URB1: variants seen among roughly 807,000 people sequenced by gnomAD.
The protein encoded by URB1 is nucleolar pre-ribosomal-associated protein 1.
URB1 carries 197 observed loss-of-function variants against 242.3 expected under a neutral mutation model. The observed-to-expected ratio is 0.81, with a 90% CI of 0.72 to 0.91. URB1 has a LOEUF of 0.91. Among genes scored for constraint, URB1 ranks in the 40% least tolerant of loss-of-function variants. URB1 has a pLI of 0.00. For synonymous variants in URB1, 1,153 were observed against 1,201.8 expected (o/e 0.96, Z 0.84); for missense variants, 2,721 against 2,860.5 (o/e 0.95, Z 1.11).
In URB1 at chr21:32,314,544, A is replaced by T; in HGVS notation, c.*374T>A. 1.2e-6 allele frequency: 2 copies of T among 1,612,318 alleles called. No individual in the cohort carries two copies. The highest frequency in any genetic ancestry group is 2.2e-5 in the South Asian group (2 of 91,048). ...TAAAAAAAATCTGATACCTTTTGAC[A>T]TTTCAGCTTTAACACAGATGAATCT... On this transcript the variant is annotated 3_prime_UTR_variant, in exon 39 of 39. Transcript: ENST00000382751.
intron 10 of URB1, among the ~76,000 whole-genome samples, 155 bp downstream of exon 10, chr21:32,366,463 T>C (rs1337070013): frequency 1.3e-5 from 2 of 152,216 alleles, no homozygotes; most frequent in African/African-American, 4.8e-5. Context: ...ACTTATGGGC[T>C]ATTTCAAACT....
At chr21:32,328,926 C>T (rs887746055) in intron 30 of URB1, among the ~76,000 whole-genome samples, 2 of 152,116 alleles carry the variant, frequency 1.3e-5, no homozygotes, top group Non-Finnish European at 2.9e-5. Context: ...ACCTTCAGAT[C>T]AAAATGGCTT....
chr21:32,355,701 C>T (rs1338771572), intron 15 of URB1, 136 bp from the exon 16 acceptor site: 8 of 680,514 alleles, frequency 1.2e-5, no homozygotes, highest in East Asian at 8.6e-5. Flanking sequence ...CTCCGCCTCC[C>T]GGGTTCAAGC....
At position 32,314,807 on chromosome 21, in the gene URB1, C is replaced by T; in HGVS notation, c.*111G>A. On this transcript the variant is annotated 3_prime_UTR_variant, in exon 39 of 39. Transcript: ENST00000382751. Reference sequence around the variant, plus strand: ...AAAGAACTGAGCCAATGTACTGAACCTGTTGTTTCCCATGCCTTCTCTGGA... The same window carrying T: ...AAAGAACTGAGCCAATGTACTGAACTTGTTGTTTCCCATGCCTTCTCTGGA... 2 of 1,470,250 alleles carry T rather than the reference C, an allele frequency of 1.4e-6. No individual in the cohort carries two copies. Among genetic ancestry groups the T allele is most frequent in the Non-Finnish European group, 1.8e-6 (2 of 1,088,214 alleles). The allele number at this position is 1,470,250 out of a possible 1,614,324, so 91.1% of individuals were successfully genotyped here.
rs905971319 is a variant in URB1, at chr21:32,355,610, C to T, written c.1990-45G>A. On this transcript the variant is annotated intron_variant, in intron 15 of 38. Transcript: ENST00000382751. ...GGTGAAAAAGTCAGAACAGAACGCG[C>T]TTTCTTTCTTTTCTTTGAGACAGGG... is the stretch of plus-strand genomic sequence containing the variant. 8.9e-6 allele frequency: 13 copies of T among 1,460,654 alleles called. No individual in the cohort carries two copies. The African/African-American group carries it at 1.3e-4, about 14-fold the overall frequency. 90.5% of individuals were successfully genotyped at this position (1,460,654 alleles called of 1,614,324 possible).
intron 5 of URB1, among the ~76,000 whole-genome samples, chr21:32,376,275 A>G (rs947240389): frequency 1.3e-5 from 2 of 152,174 alleles, no homozygotes; most frequent in Non-Finnish European, 2.9e-5. Flanking sequence ...TCAATCCCCA[A>G]GGAAATGGCC....
intron 1 of URB1, among the ~76,000 whole-genome samples, chr21:32,387,041 C>A (rs2033590941): frequency 6.6e-6 from 1 of 152,184 alleles, no homozygotes; most frequent in Non-Finnish European, 1.5e-5. Flanking sequence ...CATCAGTGCT[C>A]TTTCAAAACC....
chr21:32,382,090 T>G (rs1221405376), intron 4 of URB1, among the ~76,000 whole-genome samples: 2 of 152,204 alleles, frequency 1.3e-5, no homozygotes, highest in African/African-American at 2.4e-5. Flanking sequence ...TGTGTGGCCC[T>G]GCAGCCGGGC....
In URB1 at chr21:32,372,547, C is replaced by T. The variant is rs2033417353; in HGVS notation, c.961G>A (p.Gly321Arg). ...LMDLCCSLKH[G>R]INFYDASLGT... is the part of the protein sequence containing the mutation. Reference sequence around the variant, plus strand: ...AAAGATGCATCGTAAAAATTAATTCCATGCTTGAGTGAACAGCAAAGATCC... The same window carrying T: ...AAAGATGCATCGTAAAAATTAATTCTATGCTTGAGTGAACAGCAAAGATCC... Residue 321 changes from glycine (G) to arginine (R), a missense_variant, in exon 8 of 39, where the codon GGA (glycine) becomes AGA (arginine). By Grantham distance (125) the Gly-to-Arg change is moderately radical. Coordinates refer to ENST00000382751, the MANE Select transcript of URB1 (RefSeq NM_014825.3). 6.4e-7 allele frequency: 1 copy of T among 1,551,620 alleles called. No homozygotes were observed. Among genetic ancestry groups the T allele is most frequent in the Non-Finnish European group, 8.7e-7 (1 of 1,146,974 alleles).
In URB1 at chr21:32,316,719, G is replaced by C; in HGVS notation, c.6381C>G (p.Ser2127Arg). ...EAAGLIGWLKSHILPHPVVVA... is the reference protein window; with the variant it reads ...EAAGLIGWLKRHILPHPVVVA... ...CGACCACAGGGTGTGGCAAAATATG[G>C]CTCTTAAGCCAGCCAATGAGTCCTG... The change falls in exon 38 of 39, where the codon AGC (serine) becomes AGG (arginine). Residue 2127 changes from serine (S) to arginine (R), a missense_variant. By Grantham distance (110) the Ser-to-Arg change is moderately radical. Transcript: ENST00000382751. The C allele has an allele frequency of 6.4e-7, 1 of 1,551,324 alleles. No homozygotes were observed. The highest frequency in any genetic ancestry group is 8.7e-7 in the Non-Finnish European group (1 of 1,146,878).
chr21:32,333,218 G>A (rs1338875170), intron 30 of URB1, 99 bp downstream of exon 30: 6 of 945,412 alleles, frequency 6.3e-6, no homozygotes, highest in Non-Finnish European at 1.0e-5. Context: ...CCAAGATTCA[G>A]GTCCTCATGT....
chr21:32,342,104 A>C (rs1439105055), intron 24 of URB1, among the ~76,000 whole-genome samples: 2 of 152,218 alleles, frequency 1.3e-5, no homozygotes, highest in African/African-American at 4.8e-5. Context: ...TTTTATCAGC[A>C]TAATTGTGTT....
In URB1 at chr21:32,331,636, C is replaced by T. The variant is rs190347980; in HGVS notation, c.4960+1681G>A. 1.5e-3 allele frequency among the ~76,000 whole-genome samples: 233 copies of T among 152,228 alleles called. 1 individual carries two copies. The highest frequency in any genetic ancestry group is 0.014 in the Middle Eastern group (4 of 294). The stretch of plus-strand genomic sequence containing the variant: ...GACAGGCTCTCACACACACAAAGGC[C>T]GGAACAAAAGCCTGTTCTCTCTAAC... On this transcript the variant is annotated intron_variant, in intron 30 of 38. Transcript: ENST00000382751.
chr21:32,360,898 G>T, intron 13 of URB1, 109 bp downstream of exon 13: 1 of 660,252 alleles, frequency 1.5e-6, no homozygotes, highest in South Asian at 2.3e-5. Flanking sequence ...GCTGACGGAT[G>T]AGCACGCAGC....
At chr21:32,361,755 T>C (rs1241575507) in intron 12 of URB1, 137 bp downstream of exon 12, 11 of 1,260,094 alleles carry the variant, frequency 8.7e-6, no homozygotes, top group East Asian at 2.6e-5. Flanking sequence ...AAAAAGGATA[T>C]AGACACATTC....
chr21:32,321,372 A>G (rs9305500), intron 34 of URB1, among the ~76,000 whole-genome samples: 27,968 of 152,032 alleles, frequency 0.18, 3,557 homozygotes, highest in African/African-American at 0.36. Context: ...GAGTTCTGAC[A>G]ACCCCCAACT....
At chr21:32,319,160 A>G in intron 36 of URB1, 57 bp downstream of exon 36, 1 of 1,492,048 alleles carries the variant, frequency 6.7e-7, no homozygotes, top group Non-Finnish European at 8.9e-7. Context: ...CACAGGTGGC[A>G]GACCAACACA....
chr21:32,337,058 C>A, intron 28 of URB1, 36 bp downstream of exon 28: 1 of 1,544,340 alleles, frequency 6.5e-7, no homozygotes, highest in Non-Finnish European at 8.8e-7. Context: ...CAGGCTGTGA[C>A]CTCAAGGCCT....
intron 25 of URB1, 131 bp downstream of exon 25, chr21:32,341,335 A>C: frequency 1.2e-6 from 1 of 849,598 alleles, no homozygotes; most frequent in South Asian, 1.8e-5. Flanking sequence ...TCCAACTTCT[A>C]TCTCTAAAAA....
Sources: gnomAD v4.1 joint callset for allele counts (sites outside exome capture counted in the v4.1 genomes callset) on GRCh38, gnomAD v4.1.1 for gene constraint, MANE v1.5 for transcripts, NCBI Gene and HGNC (gene_info 2026-07-23, HGNC 2026-07-21) for gene names.